RABEP1: variants seen among roughly 807,000 people sequenced by gnomAD.
RABEP1 encodes rab GTPase-binding effector protein 1.
A neutral mutation model predicts 123.4 loss-of-function variants in RABEP1; 51 were observed. The observed-to-expected ratio is 0.41, with a 90% CI of 0.33 to 0.52. RABEP1 has a LOEUF of 0.52. Among genes scored for constraint, RABEP1 ranks in the 20% least tolerant of loss-of-function variants. RABEP1 has a pLI of 0.16. For synonymous variants in RABEP1, 347 were observed against 355.2 expected (o/e 0.98, Z 0.26); for missense variants, 888 against 996.3 (o/e 0.89, Z 1.46).
At chr17:5,346,497 A>G (rs1407440944) in intron 5 of RABEP1, among the ~76,000 whole-genome samples, 2 of 152,212 alleles carry the variant, frequency 1.3e-5, no homozygotes, top group Non-Finnish European at 2.9e-5. Context: ...GCATATGTTG[A>G]TGTGGGAATA....
chr17:5,325,844 TA>T (rs993649470), intron 2 of RABEP1, among the ~76,000 whole-genome samples: 2 of 152,058 alleles, frequency 1.3e-5, no homozygotes, highest in African/African-American at 4.8e-5. Flanking sequence ...TCAATAAAAA[TA>T]AAATGCAACA....
At chr17:5,346,497 A>T (rs1407440944) in intron 5 of RABEP1, among the ~76,000 whole-genome samples, 1 of 152,330 alleles carries the variant, frequency 6.6e-6, no homozygotes, top group East Asian at 1.9e-4. Context: ...GCATATGTTG[A>T]TGTGGGAATA....
At chr17:5,349,087 A>G (rs1426223781) in intron 6 of RABEP1, among the ~76,000 whole-genome samples, 1 of 151,984 alleles carries the variant, frequency 6.6e-6, no homozygotes, top group Admixed American at 6.6e-5. Context: ...TCTACTTTCT[A>G]TCTCTGTGGA....
intron 14 of RABEP1, 69 bp downstream of exon 14, chr17:5,377,374 A>G: frequency 7.9e-7 from 1 of 1,261,720 alleles, no homozygotes; most frequent in Non-Finnish European, 1.1e-6. Context: ...GAAGCAATAC[A>G]TGGCCATGGA....
Position 5,384,833 on chromosome 17 carries a change from T to A in RABEP1, c.*1610T>A. The A allele has an allele frequency of 4.6e-6, 1 of 217,704 alleles. No homozygotes were observed. 13.5% of individuals were successfully genotyped at this position (217,704 alleles called of 1,614,324 possible). A position where few individuals can be genotyped will look rare whatever the true frequency, so the allele number is the denominator to read the frequency against. On this transcript the variant is annotated 3_prime_UTR_variant, in exon 18 of 18. Transcript: ENST00000537505. ...TTTAGATAAAGGAAACATATAACTATTGAGTTACAGGGGATTTTATTAATT... is the reference window on the plus strand; with the variant it reads ...TTTAGATAAAGGAAACATATAACTAATGAGTTACAGGGGATTTTATTAATT...
intron 12 of RABEP1, among the ~76,000 whole-genome samples, chr17:5,372,087 A>G (rs1910568022): frequency 6.6e-6 from 1 of 152,090 alleles, no homozygotes; most frequent in African/African-American, 2.4e-5. Context: ...TACAAATAAT[A>G]TGAAATACCT....
At chr17:5,318,360 G>A (rs4790768) in intron 2 of RABEP1, among the ~76,000 whole-genome samples, 57 of 152,192 alleles carry the variant, frequency 3.7e-4, no homozygotes, top group Middle Eastern at 3.4e-3. Flanking sequence ...ACTGGTGGGC[G>A]AAAAGTAGTA....
rs758988027 is a variant in RABEP1, at chr17:5,361,227, G to C, written c.1115G>C (p.Arg372Pro). ...SNEEEHLDST[R>P]GSVHSLDAGL... ...TTTCAGGAGCATTTAGACAGCACCCGTGGCTCAGTTCATTCCTTAGATGCA... is the reference window on the plus strand; with the variant it reads ...TTTCAGGAGCATTTAGACAGCACCCCTGGCTCAGTTCATTCCTTAGATGCA... The change falls in exon 9 of 18, where the codon CGT becomes CCT. Residue 372 changes from arginine (R) to proline (P), a missense_variant. Transcript: ENST00000537505. 1.9e-6 allele frequency: 3 copies of C among 1,613,890 alleles called. No homozygotes were observed. Among genetic ancestry groups the C allele is most frequent in the Admixed American group, 3.3e-5 (2 of 59,996 alleles).
At position 5,320,650 on chromosome 17, in the gene RABEP1, G is replaced by A. The variant is rs965826912; in HGVS notation, c.164-11299G>A. Reference sequence around the variant, plus strand: ...GTGGGGAAAGTGGAGCTAAGTTGTAGAAGTTTTTTTCCCACTTATTTCTTT... The same window carrying A: ...GTGGGGAAAGTGGAGCTAAGTTGTAAAAGTTTTTTTCCCACTTATTTCTTT... On this transcript the variant is annotated intron_variant, in intron 2 of 17. Transcript: ENST00000537505. Among the ~76,000 whole-genome samples, 3 of 152,230 alleles carry A rather than the reference G, an allele frequency of 2.0e-5. No homozygotes were observed. In the South Asian group the frequency reaches 6.2e-4, roughly 32 times the overall value.
intron 7 of RABEP1, among the ~76,000 whole-genome samples, chr17:5,352,433 T>C (rs943994850): frequency 2.0e-5 from 3 of 151,730 alleles, no homozygotes; most frequent in African/African-American, 7.3e-5. Flanking sequence ...CCTCAAGTTA[T>C]CTGCCCGTCT....
intron 1 of RABEP1, among the ~76,000 whole-genome samples, chr17:5,285,981 G>A (rs1056929171): frequency 9.9e-5 from 15 of 152,144 alleles, no homozygotes; most frequent in Non-Finnish European, 1.3e-4. Flanking sequence ...ATGTCCTTGT[G>A]CATATTTTTT....
At chr17:5,329,837 A>G (rs1193743522) in intron 2 of RABEP1, among the ~76,000 whole-genome samples, 2 of 118,396 alleles carry the variant, frequency 1.7e-5, no homozygotes, top group East Asian at 3.2e-4. Context: ...ATATATATAT[A>G]TATATATAAC....
intron 1 of RABEP1, among the ~76,000 whole-genome samples, chr17:5,300,326 C>G (rs139323549): frequency 2.7e-4 from 41 of 152,210 alleles, no homozygotes; most frequent in Non-Finnish European, 5.4e-4. Flanking sequence ...TGCAGAATGT[C>G]CCTAAATTGG....
At chr17:5,326,762 T>C (rs2144583892) in intron 2 of RABEP1, among the ~76,000 whole-genome samples, 1 of 152,280 alleles carries the variant, frequency 6.6e-6, no homozygotes, top group Non-Finnish European at 1.5e-5. Flanking sequence ...CCTCTGTATT[T>C]TCTGCTCAAT....
intron 5 of RABEP1, among the ~76,000 whole-genome samples, chr17:5,339,575 A>G (rs1191130311): frequency 1.1e-4 from 16 of 152,148 alleles, no homozygotes; most frequent in Non-Finnish European, 1.3e-4. Flanking sequence ...AGGTGGGTGG[A>G]TCACCTGAGG....
chr17:5,289,474 G>T (rs1188776975), intron 1 of RABEP1, among the ~76,000 whole-genome samples: 1 of 147,282 alleles, frequency 6.8e-6, no homozygotes, highest in Non-Finnish European at 1.5e-5. Flanking sequence ...TGCTGAGGAA[G>T]ACCTCCCCAA....
rs1188432286 is a variant in RABEP1, at chr17:5,378,214, A to C, written c.2253A>C (p.Ile751=). ...ISSLKAELER[I]KVEKGQLEST... is the part of the protein sequence containing the mutation. Reference sequence around the variant, plus strand: ...GCCTAAAAGCTGAATTAGAAAGAATAAAAGTGGAAAAAGGACAGGTAAGTC... The same window carrying C: ...GCCTAAAAGCTGAATTAGAAAGAATCAAAGTGGAAAAAGGACAGGTAAGTC... Residue 751 remains isoleucine, a synonymous_variant, in exon 15 of 18, where the codon ATA becomes ATC. Coordinates refer to ENST00000537505, the MANE Select transcript of RABEP1 (RefSeq NM_004703.6). The C allele has an allele frequency of 1.9e-6, 3 of 1,593,662 alleles. No homozygotes were observed. The highest frequency in any genetic ancestry group is 2.6e-6 in the Non-Finnish European group (3 of 1,161,596).
At chr17:5,375,815 C>G (rs1331605020) in intron 13 of RABEP1, among the ~76,000 whole-genome samples, 1 of 152,094 alleles carries the variant, frequency 6.6e-6, no homozygotes, top group Non-Finnish European at 1.5e-5. Flanking sequence ...AGGAAAGAAT[C>G]CTGTCTTCCA....
chr17:5,315,083 A>G (rs941844579), intron 2 of RABEP1, among the ~76,000 whole-genome samples: 1 of 152,220 alleles, frequency 6.6e-6, no homozygotes, highest in Non-Finnish European at 1.5e-5. Flanking sequence ...GAAGGTCTTT[A>G]TACATGGTTG....
Sources: allele counts gnomAD v4.1 joint callset (sites outside exome capture counted in the v4.1 genomes callset), GRCh38; gene constraint gnomAD v4.1.1; transcripts MANE v1.5; gene names NCBI Gene and HGNC (gene_info 2026-07-23, HGNC 2026-07-21).